The following ZNF431 variants were observed in gnomAD, a reference collection of about 807,000 sequenced individuals.
ZNF431 encodes zinc finger protein 431.
Under a neutral mutation model 57.0 loss-of-function variants are expected in ZNF431, and 34 were observed. The observed-to-expected ratio is 0.60, with a 90% CI of 0.45 to 0.79. The LOEUF (loss-of-function observed/expected upper bound fraction) is 0.79, where lower values mean the gene tolerates loss of function less well. ZNF431 is among the 30% of genes least tolerant of loss of function. The pLI, the probability that ZNF431 is intolerant of heterozygous loss-of-function variation, is 0.00. For synonymous variants in ZNF431, 207 were observed against 220.3 expected, an observed-to-expected ratio of 0.94 and a Z score of 0.54; for missense variants, 607 against 667.1, an observed-to-expected ratio of 0.91 and a Z score of 0.99.
intron 2 of ZNF431, chr19:21,149,767 G>A (rs1599576843): frequency 3.3e-5 from 21 of 638,046 alleles, no homozygotes; most frequent in South Asian, 2.5e-4. Flanking sequence ...TCCTGTCATT[G>A]TAGTTGGTCC....
intron 4 of ZNF431, among the ~76,000 whole-genome samples, chr19:21,175,257 T>A (rs113217348): frequency 1.3e-5 from 2 of 152,050 alleles, no homozygotes; most frequent in African/African-American, 4.8e-5. Context: ...TTTTTTGCCC[T>A]GTTGTCTAGG....
At position 21,191,844 on chromosome 19, in the gene ZNF431, G is replaced by A. The variant is rs747229088; in HGVS notation, c.*7810G>A. ...GTCTTGATTGCTTTGGCTATTCAGG[G>A]TCTTTTGTGATACCATATGAATTTT... On this transcript the variant is annotated 3_prime_UTR_variant, in exon 5 of 5. Coordinates refer to ENST00000311048, the MANE Select transcript of ZNF431 (RefSeq NM_133473.4). 9 of 152,042 alleles carry A rather than the reference G, an allele frequency of 5.9e-5. No homozygotes were observed. The highest frequency in any genetic ancestry group is 1.3e-4 in the Non-Finnish European group (9 of 68,006). 9.4% of individuals were successfully genotyped at this position (152,042 alleles called of 1,614,324 possible).
intron 2 of ZNF431, among the ~76,000 whole-genome samples, chr19:21,158,708 A>C (rs958671649): frequency 2.0e-5 from 3 of 151,794 alleles, no homozygotes; most frequent in African/African-American, 7.3e-5. Flanking sequence ...TTATCAGTTT[A>C]AACAGCTTTT....
At chr19:21,155,360 G>C (rs1046506163) in intron 2 of ZNF431, among the ~76,000 whole-genome samples, 11 of 152,240 alleles carry the variant, frequency 7.2e-5, no homozygotes, top group Admixed American at 6.5e-4. Context: ...TGAGGGCTCT[G>C]TTCTGTTCCA....
chr19:21,161,386 T>C (rs771539632), intron 2 of ZNF431, among the ~76,000 whole-genome samples: 21 of 152,276 alleles, frequency 1.4e-4, no homozygotes, highest in South Asian at 4.1e-4. Context: ...ACAGGAGAAT[T>C]TTATTATTAT....
Position 21,195,317 on chromosome 19 carries a change from C to G in ZNF431, c.*11283C>G, listed in dbSNP as rs1012978662. 1 of 152,192 alleles carries G rather than the reference C, an allele frequency of 6.6e-6. No individual in the cohort carries two copies. The highest frequency in any genetic ancestry group is 1.5e-5 in the Non-Finnish European group (1 of 68,032). 9.4% of individuals were successfully genotyped at this position (152,192 alleles called of 1,614,324 possible). ...AAATTTGATACCTGGTAACTTCTCT[C>G]TGTGAGTTTTGAATTGGCTGATGTA... On this transcript the variant is annotated 3_prime_UTR_variant, in exon 5 of 5. Coordinates refer to ENST00000311048, the MANE Select transcript of ZNF431 (RefSeq NM_133473.4).
Position 21,190,149 on chromosome 19 carries a change from A to G in ZNF431, c.*6115A>G, listed in dbSNP as rs1971477510. 2.8e-6 allele frequency: 1 copy of G among 357,494 alleles called. No homozygotes were observed. Among genetic ancestry groups the G allele is most frequent in the East Asian group, 4.1e-5 (1 of 24,298 alleles). 22.1% of individuals were successfully genotyped at this position (357,494 alleles called of 1,614,324 possible). On this transcript the variant is annotated 3_prime_UTR_variant, in exon 5 of 5. Coordinates refer to ENST00000311048, the MANE Select transcript of ZNF431 (RefSeq NM_133473.4). ...ATGCCACTGCACTCCATCCTGGGCA[A>G]CAGAGTGAGACTCGGTCTCAAGAGG...
chr19:21,142,429 T>C (rs1367763827), intron 1 of ZNF431, among the ~76,000 whole-genome samples: 1 of 152,188 alleles, frequency 6.6e-6, no homozygotes, highest in African/African-American at 2.4e-5. Flanking sequence ...GAGCCCTCTC[T>C]GGGCAGCTCT....
intron 4 of ZNF431, among the ~76,000 whole-genome samples, chr19:21,179,090 T>A (rs1184088260): frequency 6.6e-6 from 1 of 152,194 alleles, no homozygotes; most frequent in East Asian, 1.9e-4. Flanking sequence ...CCTGGTTCAG[T>A]CTTGAAAGGA....
rs1304214698 is a variant in ZNF431, at chr19:21,192,774, A to AT, written c.*8746dup. 15 of 152,150 alleles carry AT rather than the reference A, an allele frequency of 9.9e-5. No individual in the cohort carries two copies. Among genetic ancestry groups the AT allele is most frequent in the Non-Finnish European group, 1.9e-4 (13 of 68,002 alleles). The allele number at this position is 152,150 out of a possible 1,614,324, so 9.4% of individuals were successfully genotyped here. A position where few individuals can be genotyped will look rare whatever the true frequency, so the allele number is the denominator to read the frequency against. ...CTGAAGTGCATTTGTTCTATACCTAATTTTTTCAGCGATTTATCATAAGGG... is the reference window on the plus strand; with the variant it reads ...CTGAAGTGCATTTGTTCTATACCTAATTTTTTTCAGCGATTTATCATAAGGG... On this transcript the variant is annotated 3_prime_UTR_variant, in exon 5 of 5. Coordinates refer to ENST00000311048, the MANE Select transcript of ZNF431 (RefSeq NM_133473.4).
chr19:21,145,602 C>G (rs1970064728), intron 2 of ZNF431, among the ~76,000 whole-genome samples: 1 of 152,176 alleles, frequency 6.6e-6, no homozygotes, highest in South Asian at 2.1e-4. Context: ...CCCTGGAAAG[C>G]TGGGGACCCA....
At chr19:21,163,849 A>T (rs531530548) in intron 2 of ZNF431, among the ~76,000 whole-genome samples, 1 of 152,088 alleles carries the variant, frequency 6.6e-6, no homozygotes, top group Admixed American at 6.5e-5. Flanking sequence ...AAGCTCATTA[A>T]AGCTTGAGAG....
At chr19:21,171,934 A>G (rs1355889909) in intron 4 of ZNF431, among the ~76,000 whole-genome samples, 1 of 150,612 alleles carries the variant, frequency 6.6e-6, no homozygotes, top group Non-Finnish European at 1.5e-5. Context: ...GTTAGCCAGG[A>G]TGGTCTCAAT....
chr19:21,177,710 C>T (rs1381482869), intron 4 of ZNF431, among the ~76,000 whole-genome samples: 1 of 152,070 alleles, frequency 6.6e-6, no homozygotes, highest in Non-Finnish European at 1.5e-5. Context: ...ATCGCTTGAA[C>T]CTGGGAGGCG....
In ZNF431 at chr19:21,191,803, G is replaced by A. The variant is rs1171349425; in HGVS notation, c.*7769G>A. The A allele has an allele frequency of 3.9e-5, 6 of 152,056 alleles. No individual in the cohort carries two copies. Among genetic ancestry groups the A allele is most frequent in the African/African-American group, 1.4e-4 (6 of 41,396 alleles). 9.4% of individuals were successfully genotyped at this position (152,056 alleles called of 1,614,324 possible). On this transcript the variant is annotated 3_prime_UTR_variant, in exon 5 of 5. Coordinates refer to ENST00000311048, the MANE Select transcript of ZNF431 (RefSeq NM_133473.4). The stretch of plus-strand genomic sequence containing the variant: ...CCATAGCTATGTAGTGTATTTCAAA[G>A]TTAGTCACTTCTTTTGTCTTGATTG...
At chr19:21,142,361 A>C (rs780850705) in intron 1 of ZNF431, among the ~76,000 whole-genome samples, 175 bp downstream of exon 1, 1 of 152,188 alleles carries the variant, frequency 6.6e-6, no homozygotes, top group Non-Finnish European at 1.5e-5. Context: ...GGCTGTGCTG[A>C]CAGTCGGGAC....
intron 4 of ZNF431, among the ~76,000 whole-genome samples, chr19:21,175,035 G>C (rs189234481): frequency 6.6e-6 from 1 of 151,632 alleles, no homozygotes; most frequent in Non-Finnish European, 1.5e-5. Flanking sequence ...GGGATTACAG[G>C]CATGAGCCGC....
In ZNF431 at chr19:21,184,826, T is replaced by A. The variant is rs923721465; in HGVS notation, c.*792T>A. 6.6e-6 allele frequency: 1 copy of A among 152,376 alleles called. No homozygotes were observed. Among genetic ancestry groups the A allele is most frequent in the Admixed American group, 6.5e-5 (1 of 15,284 alleles). The allele number at this position is 152,376 out of a possible 1,614,324, so 9.4% of individuals were successfully genotyped here. A position where few individuals can be genotyped will look rare whatever the true frequency, so the allele number is the denominator to read the frequency against. Reference sequence around the variant, plus strand: ...CTGTCAAAAGATCTTTCAGAAAATATAAGCTTTTTTAGTGAAGAGTATTTA... The same window carrying A: ...CTGTCAAAAGATCTTTCAGAAAATAAAAGCTTTTTTAGTGAAGAGTATTTA... On this transcript the variant is annotated 3_prime_UTR_variant, in exon 5 of 5. Coordinates refer to ENST00000311048, the MANE Select transcript of ZNF431 (RefSeq NM_133473.4).
intron 2 of ZNF431, among the ~76,000 whole-genome samples, chr19:21,164,280 G>A (rs947366966): frequency 6.6e-6 from 1 of 151,996 alleles, no homozygotes; most frequent in African/African-American, 2.4e-5. Context: ...GTGGTCACAG[G>A]GCCCGTTCAG....
Sources: allele counts gnomAD v4.1 joint callset (sites outside exome capture counted in the v4.1 genomes callset), GRCh38; gene constraint gnomAD v4.1.1; transcripts MANE v1.5; gene names NCBI Gene and HGNC (gene_info 2026-07-23, HGNC 2026-07-21).